RBFOX1: variants seen among roughly 807,000 people sequenced by gnomAD.
The protein encoded by RBFOX1 is RNA binding protein fox-1 homolog 1.
In RBFOX1, 8 loss-of-function variants were observed where a neutral mutation model predicts 57.7. The ratio of observed to expected loss-of-function variants is 0.14; its 90% CI spans 0.08 to 0.25. RBFOX1 has a LOEUF of 0.25. Among genes scored for constraint, RBFOX1 ranks in the 10% least tolerant of loss-of-function variants. The probability of loss-of-function intolerance (pLI) is 1.00; values close to 1 mark genes in which losing one functional copy is unlikely to be tolerated. For missense variants in RBFOX1, 611 were observed against 548.5 expected (o/e 1.11, Z -1.14); for synonymous variants, 326 against 222.4 (o/e 1.47, Z -4.15).
chr16:6,568,731 G>T (rs548562259), intron 2 of RBFOX1, among the ~76,000 whole-genome samples: 1 of 152,256 alleles, frequency 6.6e-6, no homozygotes, highest in East Asian at 1.9e-4. Context: ...TCAGGGGCCA[G>T]TTGGGTGGAA....
chr16:7,477,206 T>A (rs2062914766), intron 4 of RBFOX1, among the ~76,000 whole-genome samples: 1 of 152,174 alleles, frequency 6.6e-6, no homozygotes, highest in African/African-American at 2.4e-5. Context: ...GGTATATCTG[T>A]CTCTTGGGTT....
At chr16:7,639,085 T>C (rs757780136) in intron 11 of RBFOX1, among the ~76,000 whole-genome samples, 1 of 152,130 alleles carries the variant, frequency 6.6e-6, no homozygotes, top group Admixed American at 6.5e-5. Context: ...GATCTTGACT[T>C]AAATTTGATC....
intron 4 of RBFOX1, among the ~76,000 whole-genome samples, chr16:7,453,916 G>C (rs1442178618): frequency 6.6e-6 from 1 of 152,142 alleles, no homozygotes. Context: ...AGGAAGTGTT[G>C]GTCTTCTGGT....
intron 1 of RBFOX1, among the ~76,000 whole-genome samples, chr16:6,206,139 A>T (rs1023801658): frequency 2.0e-5 from 3 of 152,172 alleles, no homozygotes; most frequent in African/African-American, 7.2e-5. Context: ...TGACTCAGGA[A>T]GAAAACTTCT....
At chr16:5,478,652 C>G (rs534453419) in intron 2 of RBFOX1, among the ~76,000 whole-genome samples, 1 of 152,204 alleles carries the variant, frequency 6.6e-6, no homozygotes, top group Non-Finnish European at 1.5e-5. Flanking sequence ...ATCTGCTTAT[C>G]TTTCCAGACC....
At chr16:7,637,138 C>G (rs1248163104) in intron 11 of RBFOX1, among the ~76,000 whole-genome samples, 1 of 152,002 alleles carries the variant, frequency 6.6e-6, no homozygotes, top group Non-Finnish European at 1.5e-5. Flanking sequence ...TTATCAATGC[C>G]AATGAGCGCG....
chr16:6,332,365 C>G (rs2083144703), intron 2 of RBFOX1, among the ~76,000 whole-genome samples: 1 of 152,074 alleles, frequency 6.6e-6, no homozygotes, highest in Admixed American at 6.6e-5. Flanking sequence ...ATAAATAAGA[C>G]TTTAGAATCT....
chr16:7,193,322 G>A (rs1051110498), intron 4 of RBFOX1, among the ~76,000 whole-genome samples: 1 of 152,158 alleles, frequency 6.6e-6, no homozygotes, highest in Non-Finnish European at 1.5e-5. Flanking sequence ...TCTAGAAAAG[G>A]CAAGAACTCA....
chr16:5,904,123 C>T (rs761511071), intron 4 of RBFOX1, among the ~76,000 whole-genome samples: 1 of 152,104 alleles, frequency 6.6e-6, no homozygotes, highest in Non-Finnish European at 1.5e-5. Context: ...AATGGGCCTC[C>T]GCAGAGTAAT....
At chr16:7,495,753 TA>T (rs1474968766) in intron 4 of RBFOX1, among the ~76,000 whole-genome samples, 1 of 152,216 alleles carries the variant, frequency 6.6e-6, no homozygotes, top group African/African-American at 2.4e-5. Context: ...TTGGGTACAG[TA>T]CACACTGCTT....
chr16:6,135,157 A>G (rs1373050687), intron 1 of RBFOX1, among the ~76,000 whole-genome samples: 1 of 152,188 alleles, frequency 6.6e-6, no homozygotes, highest in Non-Finnish European at 1.5e-5. Flanking sequence ...AGGTTTTCAG[A>G]AGCCATGCTT....
chr16:5,334,022 G>C (rs1263485166), intron 1 of RBFOX1, among the ~76,000 whole-genome samples: 1 of 152,166 alleles, frequency 6.6e-6, no homozygotes, highest in East Asian at 1.9e-4. Flanking sequence ...GGTTTATTTT[G>C]GTGAATAAAC....
chr16:6,102,847 G>C (rs1237448434), intron 1 of RBFOX1, among the ~76,000 whole-genome samples: 1 of 152,104 alleles, frequency 6.6e-6, no homozygotes, highest in African/African-American at 2.4e-5. Context: ...TTGTGTCCTG[G>C]CTTGTAGGAC....
intron 3 of RBFOX1, among the ~76,000 whole-genome samples, chr16:6,673,555 C>T (rs534464343): frequency 6.6e-6 from 1 of 152,220 alleles, no homozygotes; most frequent in East Asian, 1.9e-4. Flanking sequence ...AGTGAGCCTA[C>T]ATTGCGCCAC....
At chr16:6,989,194 C>T (rs1243302408) in intron 3 of RBFOX1, among the ~76,000 whole-genome samples, 1 of 152,154 alleles carries the variant, frequency 6.6e-6, no homozygotes, top group African/African-American at 2.4e-5. Flanking sequence ...CTGTGCTTGG[C>T]CTCTTTTTCC....
intron 4 of RBFOX1, among the ~76,000 whole-genome samples, chr16:7,232,854 TAAA>T (rs35209426): frequency 7.8e-6 from 1 of 128,672 alleles, no homozygotes. Context: ...ATCTCTTAAT[TAAA>T]AAAAAAAAAA....
At position 6,991,896 on chromosome 16, in the gene RBFOX1, G is replaced by C. The variant is rs568952427; in HGVS notation, c.-15-60161G>C. 2.6e-5 allele frequency among the ~76,000 whole-genome samples: 4 copies of C among 152,308 alleles called. No individual in the cohort carries two copies. The South Asian group carries it at 8.3e-4, about 32-fold the overall frequency. On this transcript the variant is annotated intron_variant, in intron 3 of 15. Coordinates refer to ENST00000550418, the MANE Select transcript of RBFOX1 (RefSeq NM_018723.4). The stretch of plus-strand genomic sequence containing the variant: ...ACTTCAGGGTTTTGTATCAAATTCA[G>C]TTTCTTAGATCCTACCCACAGAGTT...
At chr16:5,731,095 T>C (rs1046944592) in intron 3 of RBFOX1, among the ~76,000 whole-genome samples, 1 of 152,214 alleles carries the variant, frequency 6.6e-6, no homozygotes, top group East Asian at 1.9e-4. Context: ...ATCAACATCA[T>C]TGTCCTCATA....
intron 4 of RBFOX1, among the ~76,000 whole-genome samples, chr16:7,379,740 G>T (rs893673689): frequency 6.6e-6 from 1 of 151,402 alleles, no homozygotes; most frequent in Admixed American, 6.6e-5. Context: ...CTTTCTGCCT[G>T]CCTGCTTGCC....
Sources: allele counts gnomAD v4.1 joint callset (sites outside exome capture counted in the v4.1 genomes callset), GRCh38; gene constraint gnomAD v4.1.1; transcripts MANE v1.5; gene names NCBI Gene and HGNC (gene_info 2026-07-23, HGNC 2026-07-21).